The following PARP16 variants were observed in gnomAD, a reference collection of about 807,000 sequenced individuals.
The protein encoded by PARP16 is protein mono-ADP-ribosyltransferase PARP16.
Under a neutral mutation model 35.0 loss-of-function variants are expected in PARP16, and 31 were observed. The observed-to-expected ratio is 0.88, with a 90% CI of 0.66 to 1.19. PARP16 has a LOEUF of 1.19. Among genes scored for constraint, PARP16 ranks in the 50% most tolerant of loss-of-function variants. The probability of loss-of-function intolerance (pLI) is 0.00; values close to 1 mark genes in which losing one functional copy is unlikely to be tolerated. For synonymous variants in PARP16, 162 were observed against 169.5 expected (o/e 0.96, Z 0.34); for missense variants, 424 against 411.2 (o/e 1.03, Z -0.27).
chr15:65,265,815 G>A (rs1162588533), intron 3 of PARP16, among the ~76,000 whole-genome samples: 2 of 152,260 alleles, frequency 1.3e-5, no homozygotes, highest in Non-Finnish European at 2.9e-5. Flanking sequence ...TGGCTACATA[G>A]TGGGATCACC....
At chr15:65,253,309 A>AT, downstream of PARP16, among the ~76,000 whole-genome samples, 1 of 150,984 alleles carries the variant, frequency 6.6e-6, no homozygotes. Context: ...TTGTCAATGC[A>AT]TTTTTTTTCT....
chr15:65,280,436 C>CAAAA (rs11450302), intron 1 of PARP16, among the ~76,000 whole-genome samples: 3 of 60,902 alleles, frequency 4.9e-5, no homozygotes, highest in African/African-American at 1.1e-4. Context: ...GAACTCGTCT[C>CAAAA]AAAAAAAAAA....
chr15:65,247,282 G>A (rs7163219), intron 3 of PARP16, among the ~76,000 whole-genome samples: 3,592 of 152,062 alleles, frequency 0.024, 122 homozygotes, highest in African/African-American at 0.077. Context: ...GGCATGAACC[G>A]CCACACCTGG....
intron 3 of PARP16, among the ~76,000 whole-genome samples, chr15:65,247,517 G>A (rs1279991829): frequency 6.6e-6 from 1 of 152,014 alleles, no homozygotes; most frequent in African/African-American, 2.4e-5. Flanking sequence ...ACCACACAAG[G>A]CCTATACAAT....
intron 4 of PARP16, 130 bp from the exon 5 acceptor site, chr15:65,261,156 G>A: frequency 1.4e-6 from 1 of 730,232 alleles, no homozygotes; most frequent in Non-Finnish European, 2.2e-6. Context: ...GAACAGACCT[G>A]TGTGTGCATG....
chr15:65,286,150 G>C, intron 1 of PARP16, 103 bp downstream of exon 1: 1 of 947,716 alleles, frequency 1.1e-6, no homozygotes, highest in Non-Finnish European at 1.5e-6. Context: ...AAAGTCTGGC[G>C]GCTGTCATGT....
At chr15:65,233,271 G>A (rs1018229011), downstream of PARP16, among the ~76,000 whole-genome samples, 1 of 151,958 alleles carries the variant, frequency 6.6e-6, no homozygotes, top group African/African-American at 2.4e-5. Context: ...AAAATTAGCC[G>A]GGCGCCTGTA....
chr15:65,257,629 C>CAAA (rs5813342), downstream of PARP16, among the ~76,000 whole-genome samples: 22 of 66,878 alleles, frequency 3.3e-4, no homozygotes, highest in South Asian at 1.1e-3. Flanking sequence ...GACTCTGTCT[C>CAAA]AAAAAAAAAA....
intron 2 of PARP16, among the ~76,000 whole-genome samples, chr15:65,269,766 T>A (rs2090035228): frequency 6.6e-6 from 1 of 152,190 alleles, no homozygotes; most frequent in Non-Finnish European, 1.5e-5. Context: ...TGGGTCCCAA[T>A]ACCCCACAGT....
chr15:65,259,458 A>G lies in PARP16; in HGVS notation c.918T>C (p.Ser306=). 6.2e-7 allele frequency: 1 copy of G among 1,613,954 alleles called. No individual in the cohort carries two copies. ...SLYLLLLLIV[S]VINSSAFQHF... is the part of the protein sequence containing the mutation. Reference sequence around the variant, plus strand: ...GTTGGAAAGCAGAGGAGTTGATGACACTCACTATGAGCAGCAGCAGCAGAT... The same window carrying G: ...GTTGGAAAGCAGAGGAGTTGATGACGCTCACTATGAGCAGCAGCAGCAGAT... The change falls in exon 6 of 6, where the codon AGT becomes AGC. Residue 306 remains serine, a synonymous_variant. Transcript: ENST00000649807.
chr15:65,271,163 G>T, intron 1 of PARP16, 91 bp from the exon 2 acceptor site: 1 of 1,234,264 alleles, frequency 8.1e-7, no homozygotes, highest in Non-Finnish European at 1.2e-6. Flanking sequence ...ACGTTCACTT[G>T]TTGCACGTCT....
chr15:65,273,747 A>G (rs1208163622), intron 1 of PARP16, among the ~76,000 whole-genome samples: 2 of 151,690 alleles, frequency 1.3e-5, no homozygotes, highest in African/African-American at 4.8e-5. Flanking sequence ...GTAGTGGCAC[A>G]TGCCTGTAAT....
intron 1 of PARP16, among the ~76,000 whole-genome samples, 181 bp downstream of exon 1, chr15:65,286,072 G>A (rs1481885777): frequency 2.6e-5 from 4 of 152,224 alleles, no homozygotes; most frequent in Non-Finnish European, 4.4e-5. Context: ...GTTGACATGA[G>A]GGTGTTAGCA....
intron 1 of PARP16, among the ~76,000 whole-genome samples, chr15:65,279,642 A>AATCTTACCTTGAGATATCAAGT (rs2090358772): frequency 6.6e-6 from 1 of 152,234 alleles, no homozygotes. Flanking sequence ...AGAGATCAAG[A>AATCTTACCTTGAGATATCAAGT]ATCTTACCTT....
downstream of PARP16, among the ~76,000 whole-genome samples, chr15:65,233,742 T>TA (rs796305887): frequency 0.017 from 2,049 of 117,816 alleles, 42 homozygotes; most frequent in African/African-American, 0.053. Context: ...TCACAAAAAT[T>TA]AAAAAAAAAA....
At chr15:65,248,930 G>A (rs2089285306) in intron 2 of PARP16, among the ~76,000 whole-genome samples, 2 of 152,166 alleles carry the variant, frequency 1.3e-5, no homozygotes, top group South Asian at 4.1e-4. Context: ...CAGGCTGGAC[G>A]CTGGATGGTG....
chr15:65,265,207 T>C (rs375647629), intron 3 of PARP16, among the ~76,000 whole-genome samples: 1 of 152,204 alleles, frequency 6.6e-6, no homozygotes, highest in Non-Finnish European at 1.5e-5. Context: ...CTGCCATGAC[T>C]GGGGGAAAGG....
At chr15:65,244,779 G>A (rs1369388108) in intron 3 of PARP16, among the ~76,000 whole-genome samples, 1 of 152,206 alleles carries the variant, frequency 6.6e-6, no homozygotes, top group African/African-American at 2.4e-5. Flanking sequence ...AGACTAACAG[G>A]ATGGCCTATT....
At chr15:65,255,685 T>C (rs11630562), downstream of PARP16, among the ~76,000 whole-genome samples, 32,948 of 149,350 alleles carry the variant, frequency 0.22, 4,388 homozygotes, top group Admixed American at 0.3. Context: ...TTACCATTTC[T>C]TCTTTTTGCA....
Sources: gnomAD v4.1 joint callset for allele counts (sites outside exome capture counted in the v4.1 genomes callset) on GRCh38, gnomAD v4.1.1 for gene constraint, MANE v1.5 for transcripts, NCBI Gene and HGNC (gene_info 2026-07-23, HGNC 2026-07-21) for gene names.